The following XIRP2 variants were observed in gnomAD, a reference collection of about 807,000 sequenced individuals.
XIRP2 encodes the protein xin actin binding repeat containing 2, also known as xin actin-binding repeat-containing protein 2.
XIRP2 carries 236 observed loss-of-function variants against 277.0 expected under a neutral mutation model. That is an observed-to-expected ratio of 0.85 (90% confidence interval 0.77 to 0.95). The LOEUF (loss-of-function observed/expected upper bound fraction) is 0.95, where lower values mean the gene tolerates loss of function less well. Ranked by LOEUF, XIRP2 falls within the 40% of genes least tolerant of loss-of-function variation. XIRP2 has a pLI of 0.00. For synonymous variants in XIRP2, 1,490 were observed against 1,416.5 expected (o/e 1.05, Z -1.17); for missense variants, 4,640 against 4,157.5 (o/e 1.12, Z -3.19).
intron 2 of XIRP2, among the ~76,000 whole-genome samples, chr2:167,106,272 A>G (rs138811167): frequency 3.1e-4 from 47 of 151,666 alleles, no homozygotes; most frequent in Middle Eastern, 6.8e-3. Flanking sequence ...AAGGATTCTT[A>G]TATGTTTATT....
intron 2 of XIRP2, among the ~76,000 whole-genome samples, chr2:167,062,511 G>A (rs920168809): frequency 1.3e-5 from 2 of 152,076 alleles, no homozygotes; most frequent in African/African-American, 2.4e-5. Context: ...TTTGACAACA[G>A]GTAATACAGA....
chr2:167,109,873 G>A (rs1690706981), intron 2 of XIRP2, among the ~76,000 whole-genome samples: 1 of 151,998 alleles, frequency 6.6e-6, no homozygotes, highest in South Asian at 2.1e-4. Flanking sequence ...ATTCTTACTG[G>A]TATGAGATGG....
chr2:166,960,387 G>A (rs1686270717), intron 2 of XIRP2, among the ~76,000 whole-genome samples: 1 of 151,614 alleles, frequency 6.6e-6, no homozygotes, highest in African/African-American at 2.4e-5. Context: ...TTATAAAAAG[G>A]GCATGTGACT....
At chr2:167,240,182 G>T (rs1218912933) in intron 6 of XIRP2, among the ~76,000 whole-genome samples, 2 of 152,022 alleles carry the variant, frequency 1.3e-5, no homozygotes, top group Non-Finnish European at 2.9e-5. Flanking sequence ...GGGAGGCCGA[G>T]GCAGGCAGAT....
chr2:167,211,800 G>A (rs1022987379), intron 4 of XIRP2, among the ~76,000 whole-genome samples: 1 of 152,194 alleles, frequency 6.6e-6, no homozygotes, highest in African/African-American at 2.4e-5. Flanking sequence ...ATAGGAAACT[G>A]CAGGATTCAG....
At chr2:166,910,131 T>A (rs1002426454) in intron 2 of XIRP2, among the ~76,000 whole-genome samples, 1 of 152,198 alleles carries the variant, frequency 6.6e-6, no homozygotes, top group African/African-American at 2.4e-5. Context: ...CCTCATGAAA[T>A]GAGTTAGGGA....
intron 3 of XIRP2, among the ~76,000 whole-genome samples, chr2:167,153,880 T>C (rs1558999225): frequency 6.6e-6 from 1 of 151,304 alleles, no homozygotes; most frequent in Non-Finnish European, 1.5e-5. Flanking sequence ...CATGTGCATG[T>C]GTCTTTATAG....
At chr2:167,180,968 A>G (rs978080177) in intron 3 of XIRP2, among the ~76,000 whole-genome samples, 6 of 152,232 alleles carry the variant, frequency 3.9e-5, no homozygotes, top group Admixed American at 2.6e-4. Context: ...TATGACTTCT[A>G]TCCTATACCT....
chr2:167,082,279 C>T (rs1465123853), intron 2 of XIRP2, among the ~76,000 whole-genome samples: 3 of 152,162 alleles, frequency 2.0e-5, no homozygotes, highest in Non-Finnish European at 2.9e-5. Flanking sequence ...ATGAACTCAT[C>T]CTTTTTTATG....
chr2:167,061,414 T>C (rs1307527203), intron 2 of XIRP2, among the ~76,000 whole-genome samples: 1 of 152,138 alleles, frequency 6.6e-6, no homozygotes, highest in African/African-American at 2.4e-5. Flanking sequence ...ACCAGAAATA[T>C]TTGCCTTTTT....
At chr2:167,142,506 C>T (rs1260939331) in intron 3 of XIRP2, among the ~76,000 whole-genome samples, 1 of 151,862 alleles carries the variant, frequency 6.6e-6, no homozygotes, top group African/African-American at 2.4e-5. Flanking sequence ...TGAGATCATG[C>T]CACTGCACTC....
intron 2 of XIRP2, among the ~76,000 whole-genome samples, chr2:167,082,413 C>T (rs1254632785): frequency 2.0e-5 from 3 of 151,862 alleles, no homozygotes; most frequent in African/African-American, 7.3e-5. Flanking sequence ...CATACATGTG[C>T]ATGTGTCTTT....
intron 10 of XIRP2, among the ~76,000 whole-genome samples, chr2:167,255,821 T>C (rs957020641): frequency 1.3e-5 from 2 of 151,852 alleles, no homozygotes; most frequent in Non-Finnish European, 2.9e-5. Flanking sequence ...GGAAACAATA[T>C]TCGTTGAATT....
intron 2 of XIRP2, among the ~76,000 whole-genome samples, chr2:166,947,936 C>T (rs1213034781): frequency 6.6e-6 from 1 of 152,014 alleles, no homozygotes; most frequent in African/African-American, 2.4e-5. Context: ...AAGAAATGGG[C>T]TATCAAACTA....
At chr2:166,933,554 T>A (rs1302358258) in intron 2 of XIRP2, among the ~76,000 whole-genome samples, 2 of 151,616 alleles carry the variant, frequency 1.3e-5, no homozygotes, top group Non-Finnish European at 2.9e-5. Context: ...CACTCCAGCC[T>A]GGGCGACAGA....
intron 3 of XIRP2, among the ~76,000 whole-genome samples, chr2:167,196,671 G>A (rs148378736): frequency 5.8e-4 from 88 of 152,168 alleles, no homozygotes; most frequent in African/African-American, 1.9e-3. Context: ...TGGGACATAG[G>A]GCTTTGTGCC....
At chr2:167,180,072 A>G (rs16853124) in intron 3 of XIRP2, among the ~76,000 whole-genome samples, 15,016 of 152,236 alleles carry the variant, frequency 0.099, 794 homozygotes, top group South Asian at 0.16. Context: ...AACTTGAAAC[A>G]CCTTTCACTT....
At chr2:167,220,302 A>C (rs1045821936) in intron 5 of XIRP2, among the ~76,000 whole-genome samples, 7 of 152,260 alleles carry the variant, frequency 4.6e-5, no homozygotes, top group African/African-American at 1.7e-4. Context: ...TTGGGTTCAA[A>C]TTCCTGCTCC....
chr2:166,945,416 A>G (rs1050182217), intron 2 of XIRP2, among the ~76,000 whole-genome samples: 6 of 152,126 alleles, frequency 3.9e-5, no homozygotes, highest in African/African-American at 1.4e-4. Flanking sequence ...CAAGATTTTC[A>G]TAGCCCATAA....
Sources: gnomAD v4.1 joint callset for allele counts (sites outside exome capture counted in the v4.1 genomes callset) on GRCh38, gnomAD v4.1.1 for gene constraint, MANE v1.5 for transcripts, NCBI Gene and HGNC (gene_info 2026-07-23, HGNC 2026-07-21) for gene names.